ANKRD13C: variants seen among roughly 807,000 people sequenced by gnomAD.
ANKRD13C encodes ankyrin repeat domain 13C, also known as ankyrin repeat domain-containing protein 13C.
ANKRD13C carries 16 observed loss-of-function variants against 65.5 expected under a neutral mutation model. The ratio of observed to expected loss-of-function variants is 0.24; its 90% CI spans 0.17 to 0.37. The LOEUF is 0.37. ANKRD13C is among the 10% of genes least tolerant of loss of function. The pLI is 1.00. For synonymous variants in ANKRD13C, 235 were observed against 238.7 expected (o/e 0.98, Z 0.14); for missense variants, 503 against 655.9 (o/e 0.77, Z 2.55).
chr1:70,284,253 C>G (rs1408532015), intron 9 of ANKRD13C, among the ~76,000 whole-genome samples: 1 of 151,302 alleles, frequency 6.6e-6, no homozygotes, highest in African/African-American at 2.4e-5. Context: ...TAAATTCATT[C>G]CAAAAAGGAA....
At chr1:70,276,501 T>C (rs942361408) in intron 10 of ANKRD13C, among the ~76,000 whole-genome samples, 3 of 152,172 alleles carry the variant, frequency 2.0e-5, no homozygotes, top group African/African-American at 7.2e-5. Context: ...CTTAGAACAG[T>C]GTCTTTTAGT....
intron 12 of ANKRD13C, among the ~76,000 whole-genome samples, chr1:70,265,824 C>CAAAAAAAAAAAAAAAAA (rs775757290): frequency 2.5e-4 from 9 of 35,440 alleles, no homozygotes; most frequent in African/African-American, 3.6e-4. Context: ...GACCTTGCCT[C>CAAAAAAAAAAAAAAAAA]AAAAAAAAAA....
chr1:70,349,125 A>G (rs1682644039), intron 1 of ANKRD13C, among the ~76,000 whole-genome samples: 1 of 152,234 alleles, frequency 6.6e-6, no homozygotes, highest in South Asian at 2.1e-4. Context: ...CATATTCTCA[A>G]TTCTCAATAA....
At chr1:70,303,828 A>G (rs1680476943) in intron 6 of ANKRD13C, among the ~76,000 whole-genome samples, 1 of 152,196 alleles carries the variant, frequency 6.6e-6, no homozygotes, top group Admixed American at 6.5e-5. Context: ...CACCTAGGCA[A>G]AAAACCTTTT....
chr1:70,321,867 A>G (rs1013742933), intron 3 of ANKRD13C, among the ~76,000 whole-genome samples: 3 of 152,226 alleles, frequency 2.0e-5, no homozygotes, highest in Admixed American at 6.5e-5. Context: ...AAATTATCAG[A>G]AATCAGAAGA....
chr1:70,271,572 G>T (rs1558261181), intron 11 of ANKRD13C, among the ~76,000 whole-genome samples: 1 of 152,108 alleles, frequency 6.6e-6, no homozygotes. Context: ...ATAAATTAAA[G>T]TTAGAAATAC....
chr1:70,276,696 C>A, intron 10 of ANKRD13C, 69 bp downstream of exon 10: 4 of 1,210,808 alleles, frequency 3.3e-6, no homozygotes, highest in Non-Finnish European at 4.7e-6. Context: ...CCAAAATATT[C>A]ACATATTCAG....
At chr1:70,330,574 CAAAAAAAA>C (rs71071394) in intron 2 of ANKRD13C, among the ~76,000 whole-genome samples, 24 of 68,390 alleles carry the variant, frequency 3.5e-4, no homozygotes, top group African/African-American at 1.0e-3. Context: ...ACAAACAAAC[CAAAAAAAA>C]AAAAAAAAAA....
intron 1 of ANKRD13C, among the ~76,000 whole-genome samples, chr1:70,341,363 G>GTTTTTT (rs35739788): frequency 9.2e-6 from 1 of 109,160 alleles, no homozygotes. Context: ...CTTTTTGTGT[G>GTTTTTT]TTTTTTTTTT....
chr1:70,297,287 A>ATTTTTTTT (rs748635051), intron 7 of ANKRD13C, among the ~76,000 whole-genome samples: 3 of 98,824 alleles, frequency 3.0e-5, no homozygotes, highest in Admixed American at 2.3e-4. Context: ...TCCCTTTCTG[A>ATTTTTTTT]TTTTTTTTTT....
At chr1:70,300,619 G>C (rs1471348824) in intron 7 of ANKRD13C, 145 bp downstream of exon 7, 1 of 659,362 alleles carries the variant, frequency 1.5e-6, no homozygotes, top group Non-Finnish European at 2.2e-6. Context: ...AGAAAAGAAA[G>C]CTAGTGGTCA....
intron 1 of ANKRD13C, among the ~76,000 whole-genome samples, chr1:70,341,944 G>T (rs1682329401): frequency 6.6e-6 from 1 of 151,952 alleles, no homozygotes; most frequent in South Asian, 2.1e-4. Flanking sequence ...AAATTGGTCA[G>T]TCTCAATGTG....
intron 1 of ANKRD13C, among the ~76,000 whole-genome samples, chr1:70,339,106 A>G (rs2101602594): frequency 6.6e-6 from 1 of 151,920 alleles, no homozygotes; most frequent in Non-Finnish European, 1.5e-5. Flanking sequence ...GCTGCTTGGG[A>G]AGCCGAAGTA....
intron 2 of ANKRD13C, among the ~76,000 whole-genome samples, chr1:70,333,541 T>C (rs1429381610): frequency 2.0e-5 from 3 of 152,198 alleles, no homozygotes; most frequent in Non-Finnish European, 4.4e-5. Flanking sequence ...ATACCTATCT[T>C]AAAGACAGAT....
At chr1:70,335,628 ATAC>A (rs1681989961) in intron 2 of ANKRD13C, among the ~76,000 whole-genome samples, 1 of 151,050 alleles carries the variant, frequency 6.6e-6, no homozygotes, top group Admixed American at 6.6e-5. Context: ...ACTTTAATAA[ATAC>A]TTAATAAACA....
intron 4 of ANKRD13C, 124 bp downstream of exon 4, chr1:70,315,357 C>A: frequency 1.5e-6 from 1 of 676,988 alleles, no homozygotes; most frequent in Non-Finnish European, 2.5e-6. Flanking sequence ...TTAATTTAAG[C>A]ATGATTTTTA....
chr1:70,292,289 G>A (rs1160604832), intron 9 of ANKRD13C, 99 bp downstream of exon 9: 3 of 820,268 alleles, frequency 3.7e-6, no homozygotes, highest in Non-Finnish European at 5.3e-6. Flanking sequence ...GTAAATAAAA[G>A]CTGTGAGTAC....
chr1:70,325,702 C>A (rs1300448283), intron 2 of ANKRD13C, among the ~76,000 whole-genome samples: 1 of 151,682 alleles, frequency 6.6e-6, no homozygotes, highest in Non-Finnish European at 1.5e-5. Flanking sequence ...CATGGTGAAA[C>A]CCCGTCTCTA....
intron 9 of ANKRD13C, among the ~76,000 whole-genome samples, chr1:70,288,544 C>G (rs1679722901): frequency 6.6e-6 from 1 of 152,128 alleles, no homozygotes; most frequent in Non-Finnish European, 1.5e-5. Flanking sequence ...CCATGAAATA[C>G]TACTCAACAA....
Sources: gnomAD v4.1 joint callset for allele counts (sites outside exome capture counted in the v4.1 genomes callset) on GRCh38, gnomAD v4.1.1 for gene constraint, MANE v1.5 for transcripts, NCBI Gene and HGNC (gene_info 2026-07-23, HGNC 2026-07-21) for gene names.